The following FUT9 variants were observed in gnomAD, a reference collection of about 807,000 sequenced individuals.
FUT9 encodes the protein 4-galactosyl-N-acetylglucosaminide 3-alpha-L-fucosyltransferase 9.
FUT9 carries 15 observed loss-of-function variants against 29.7 expected under a neutral mutation model. The ratio of observed to expected loss-of-function variants is 0.51; its 90% CI spans 0.34 to 0.78. FUT9 has a LOEUF of 0.78. FUT9 is among the 30% of genes least tolerant of loss of function. The pLI, the probability that FUT9 is intolerant of heterozygous loss-of-function variation, is 0.01. For missense variants in FUT9, 319 were observed against 425.4 expected, an observed-to-expected ratio of 0.75 and a Z score of 2.20; for synonymous variants, 169 against 153.7, an observed-to-expected ratio of 1.10 and a Z score of -0.74.
At chr6:96,161,175 C>T (rs1772893543) in intron 2 of FUT9, among the ~76,000 whole-genome samples, 1 of 152,160 alleles carries the variant, frequency 6.6e-6, no homozygotes, top group Admixed American at 6.6e-5. Context: ...TATGTCAAAA[C>T]TTAATCCCAA....
chr6:96,035,795 C>CTAATA (rs201790139), intron 1 of FUT9, among the ~76,000 whole-genome samples: 41,087 of 110,738 alleles, frequency 0.37, 8,836 homozygotes, highest in Non-Finnish European at 0.43. Flanking sequence ...ATTTATTATA[C>CTAATA]TAATATAATA....
At chr6:96,143,419 T>A (rs571656613) in intron 2 of FUT9, among the ~76,000 whole-genome samples, 70 of 152,358 alleles carry the variant, frequency 4.6e-4, no homozygotes, top group African/African-American at 1.6e-3. Flanking sequence ...GCATAACTCA[T>A]CAATGTCATG....
rs920269562 is a variant in FUT9 at position 96,205,207 on chromosome 6, C to A, written c.*972C>A. On this transcript the variant is annotated 3_prime_UTR_variant, in exon 3 of 3. Coordinates refer to ENST00000302103, the MANE Select transcript of FUT9 (RefSeq NM_006581.4). ...ATAAGATTTGGCTCATAATGATGAGCCCTATCATTTGATTTGAGTTCTATC... is the reference window on the plus strand; with the variant it reads ...ATAAGATTTGGCTCATAATGATGAGACCTATCATTTGATTTGAGTTCTATC... The A allele has an allele frequency of 6.0e-6, 1 of 166,616 alleles. No individual in the cohort carries two copies. Among genetic ancestry groups the A allele is most frequent in the African/African-American group, 2.4e-5 (1 of 41,322 alleles). 10.3% of individuals were successfully genotyped at this position (166,616 alleles called of 1,614,324 possible).
At chr6:96,174,930 T>A (rs1773177972) in intron 2 of FUT9, among the ~76,000 whole-genome samples, 1 of 152,020 alleles carries the variant, frequency 6.6e-6, no homozygotes, top group South Asian at 2.1e-4. Flanking sequence ...TTAGAAAAAA[T>A]CATCAGATTC....
Position 96,211,464 on chromosome 6 carries a change from G to GT in FUT9, c.*7233dup. 6.0e-6 allele frequency: 1 copy of GT among 166,878 alleles called. No individual in the cohort carries two copies. The allele number at this position is 166,878 out of a possible 1,614,324, so 10.3% of individuals were successfully genotyped here. On this transcript the variant is annotated 3_prime_UTR_variant, in exon 3 of 3. Coordinates refer to ENST00000302103, the MANE Select transcript of FUT9 (RefSeq NM_006581.4). ...ATCCATCACTTCAGCTGGTCCACTA[G>GT]TTTTGACACAGGACTAGTTAATGAT... is the stretch of plus-strand genomic sequence containing the variant.
intron 1 of FUT9, among the ~76,000 whole-genome samples, chr6:96,065,054 G>T (rs1455439955): frequency 6.6e-6 from 1 of 152,056 alleles, no homozygotes; most frequent in African/African-American, 2.4e-5. Context: ...TTTAGTACAT[G>T]TTCCATGTGA....
At chr6:96,094,456 C>T (rs977835684) in intron 1 of FUT9, among the ~76,000 whole-genome samples, 1 of 152,048 alleles carries the variant, frequency 6.6e-6, no homozygotes, top group Non-Finnish European at 1.5e-5. Context: ...AAGTTCTGTA[C>T]TAAATAAGGA....
Position 96,129,263 on chromosome 6 carries a change from T to A in FUT9, c.-9+15136T>A, listed in dbSNP as rs544140799. Among the ~76,000 whole-genome samples, 284 of 46,186 alleles carry A rather than the reference T, an allele frequency of 6.1e-3. 1 individual carries two copies. Among genetic ancestry groups the A allele is most frequent in the Non-Finnish European group, 7.8e-3 (202 of 25,888 alleles). 30.3% of individuals were successfully genotyped at this position (46,186 alleles called of 152,430 possible). On this transcript the variant is annotated intron_variant, in intron 2 of 2. Transcript: ENST00000302103. ...CTGGGCGAGAGAATGAGACTCTGTC[T>A]CAAAAAAAAAAAAAAAAAAAAAAAA...
intron 2 of FUT9, among the ~76,000 whole-genome samples, chr6:96,155,440 T>G (rs537901459): frequency 1.3e-5 from 2 of 151,946 alleles, no homozygotes; most frequent in East Asian, 1.9e-4. Flanking sequence ...ATGACTGATG[T>G]CCCTATAAGA....
rs1773957339 is a variant in FUT9 at position 96,212,508 on chromosome 6, T to C, written c.*8273T>C. Reference sequence around the variant, plus strand: ...TAATCAAAAAACAAAGACTATCATATTTGAGAACAAGATTTTACTTAGAAG... The same window carrying C: ...TAATCAAAAAACAAAGACTATCATACTTGAGAACAAGATTTTACTTAGAAG... On this transcript the variant is annotated 3_prime_UTR_variant, in exon 3 of 3. Coordinates refer to ENST00000302103, the MANE Select transcript of FUT9 (RefSeq NM_006581.4). 1 of 408,238 alleles carries C rather than the reference T, an allele frequency of 2.4e-6. No individual in the cohort carries two copies. Among genetic ancestry groups the C allele is most frequent in the Non-Finnish European group, 4.5e-6 (1 of 222,970 alleles). 25.3% of individuals were successfully genotyped at this position (408,238 alleles called of 1,614,324 possible).
intron 2 of FUT9, among the ~76,000 whole-genome samples, chr6:96,130,447 C>A (rs1194028835): frequency 6.6e-6 from 1 of 152,062 alleles, no homozygotes; most frequent in East Asian, 1.9e-4. Flanking sequence ...ATAACATGGG[C>A]TCCATTTAGT....
chr6:96,165,291 C>T (rs191938308), intron 2 of FUT9, among the ~76,000 whole-genome samples: 117 of 151,376 alleles, frequency 7.7e-4, no homozygotes, highest in African/African-American at 2.5e-3. Flanking sequence ...ATTAGCCGGT[C>T]GTGATGGTGG....
chr6:96,087,382 T>A lies in FUT9; in HGVS notation c.-97-26657T>A, dbSNP rs937029860. ...CACAAATTTTTTTTTTTTTTTTTTT[T>A]TTTGAGACAGACTCTCACTCTGTTA... On this transcript the variant is annotated intron_variant, in intron 1 of 2. Transcript: ENST00000302103. Among the ~76,000 whole-genome samples, 345 of 149,876 alleles carry A rather than the reference T, an allele frequency of 2.3e-3. 5 individuals are homozygous for A. Among genetic ancestry groups the A allele is most frequent in the African/African-American group, 8.1e-3 (331 of 40,688 alleles).
rs1398388606 is a variant in FUT9 at position 96,214,234 on chromosome 6, C to G, written c.*9999C>G. Reference sequence around the variant, plus strand: ...ACAAAGCATGAAGATGTGAAAATATCATCTTAACCAGTTTCATTCTATGAA... The same window carrying G: ...ACAAAGCATGAAGATGTGAAAATATGATCTTAACCAGTTTCATTCTATGAA... On this transcript the variant is annotated 3_prime_UTR_variant, in exon 3 of 3. Coordinates refer to ENST00000302103, the MANE Select transcript of FUT9 (RefSeq NM_006581.4). 6.0e-6 allele frequency: 1 copy of G among 166,732 alleles called. No homozygotes were observed. Among genetic ancestry groups the G allele is most frequent in the African/African-American group, 2.4e-5 (1 of 41,434 alleles). 10.3% of individuals were successfully genotyped at this position (166,732 alleles called of 1,614,324 possible).
At chr6:96,057,486 G>A (rs13202877) in intron 1 of FUT9, among the ~76,000 whole-genome samples, 26 of 152,268 alleles carry the variant, frequency 1.7e-4, no homozygotes, top group Non-Finnish European at 2.6e-4. Flanking sequence ...AATTGCTAAG[G>A]CACTTTTATT....
At chr6:96,194,764 G>A (rs989533830) in intron 2 of FUT9, among the ~76,000 whole-genome samples, 1 of 151,946 alleles carries the variant, frequency 6.6e-6, no homozygotes, top group African/African-American at 2.4e-5. Flanking sequence ...TCACAGAAGT[G>A]CTGGTGCTGA....
intron 2 of FUT9, among the ~76,000 whole-genome samples, chr6:96,137,052 A>C (rs1772361490): frequency 6.6e-6 from 1 of 152,044 alleles, no homozygotes; most frequent in Admixed American, 6.6e-5. Flanking sequence ...ATATCAAATA[A>C]AAATTTAGAT....
At chr6:96,063,516 T>G (rs1770912236) in intron 1 of FUT9, among the ~76,000 whole-genome samples, 1 of 152,080 alleles carries the variant, frequency 6.6e-6, no homozygotes, top group African/African-American at 2.4e-5. Context: ...TCAGGGGCAT[T>G]CGGGGGCATG....
chr6:96,095,617 C>T (rs1771482299), intron 1 of FUT9, among the ~76,000 whole-genome samples: 1 of 152,146 alleles, frequency 6.6e-6, no homozygotes, highest in Non-Finnish European at 1.5e-5. Context: ...TTGCTTTGTA[C>T]ATCACTGGCA....
Sources: allele counts gnomAD v4.1 joint callset (sites outside exome capture counted in the v4.1 genomes callset), GRCh38; gene constraint gnomAD v4.1.1; transcripts MANE v1.5; gene names NCBI Gene and HGNC (gene_info 2026-07-23, HGNC 2026-07-21).